MLLT10: variants seen among roughly 807,000 people sequenced by gnomAD.
MLLT10 encodes protein AF-10.
Under a neutral mutation model 129.1 loss-of-function variants are expected in MLLT10, and 30 were observed. The ratio of observed to expected loss-of-function variants is 0.23; its 90% CI spans 0.17 to 0.32. The LOEUF is 0.32. MLLT10 is among the 10% of genes least tolerant of loss of function. MLLT10 has a pLI of 1.00. For synonymous variants in MLLT10, 490 were observed against 446.4 expected, an observed-to-expected ratio of 1.10 and a Z score of -1.23; for missense variants, 1,119 against 1,268.3, an observed-to-expected ratio of 0.88 and a Z score of 1.79.
intron 8 of MLLT10, among the ~76,000 whole-genome samples, chr10:21,634,562 A>G (rs1035457630): frequency 4.6e-5 from 7 of 152,182 alleles, no homozygotes; most frequent in Admixed American, 6.5e-5. Flanking sequence ...CTGTTCCCCA[A>G]TAGTCTTTCA....
chr10:21,575,178 C>CTTATTTTATT (rs770106739), intron 3 of MLLT10, among the ~76,000 whole-genome samples: 31 of 151,708 alleles, frequency 2.0e-4, no homozygotes, highest in African/African-American at 2.7e-4. Flanking sequence ...TAGAACCCTA[C>CTTATTTTATT]TTATTTTATT....
chr10:21,733,666 A>G, intron 19 of MLLT10, 74 bp downstream of exon 19: 6 of 1,473,454 alleles, frequency 4.1e-6, no homozygotes, highest in Non-Finnish European at 3.6e-6. Flanking sequence ...GTTTAAAATT[A>G]TTTTAAACAG....
At chr10:21,634,188 C>T (rs555373159) in intron 8 of MLLT10, among the ~76,000 whole-genome samples, 60 of 151,810 alleles carry the variant, frequency 4.0e-4, no homozygotes, top group African/African-American at 1.4e-3. Context: ...TTCAGGGAGC[C>T]GAGATCACAC....
rs2033408243 is a variant in MLLT10, at chr10:21,534,424, A to G, written c.-97A>G. On this transcript the variant is annotated 5_prime_UTR_variant, in exon 1 of 23. Coordinates refer to ENST00000307729, the MANE Select transcript of MLLT10 (RefSeq NM_001195626.3). ...AGGGAAGACGCTGAGGAGGAGGAGG[A>G]GGCGGAGGAGGCGGTGGAGGGGAGG... 1.1e-5 allele frequency: 4 copies of G among 355,790 alleles called. No homozygotes were observed. The highest frequency in any genetic ancestry group is 2.1e-5 in the Non-Finnish European group (4 of 191,482). 22.0% of individuals were successfully genotyped at this position (355,790 alleles called of 1,614,324 possible). A position where few individuals can be genotyped will look rare whatever the true frequency, so the allele number is the denominator to read the frequency against.
chr10:21,717,708 T>C (rs2056783131), intron 14 of MLLT10, among the ~76,000 whole-genome samples: 1 of 80,838 alleles, frequency 1.2e-5, no homozygotes, highest in Admixed American at 1.2e-4. Context: ...CTCTTCCTCC[T>C]CCTCCTCTTC....
intron 3 of MLLT10, among the ~76,000 whole-genome samples, chr10:21,554,279 T>C (rs1397586991): frequency 6.6e-6 from 1 of 152,192 alleles, no homozygotes; most frequent in Non-Finnish European, 1.5e-5. Flanking sequence ...CTTTTTACTC[T>C]ATTTTCTGAG....
At chr10:21,597,490 G>A (rs1022680208) in intron 5 of MLLT10, among the ~76,000 whole-genome samples, 88 of 152,094 alleles carry the variant, frequency 5.8e-4, no homozygotes, top group Middle Eastern at 3.4e-3. Flanking sequence ...GTGCCTCAGC[G>A]TCCCGAGTAG....
intron 14 of MLLT10, among the ~76,000 whole-genome samples, chr10:21,719,144 G>A (rs2056960175): frequency 6.6e-6 from 1 of 152,224 alleles, no homozygotes; most frequent in Non-Finnish European, 1.5e-5. Flanking sequence ...GTGTGTTTAT[G>A]TAGGGGAAGT....
At position 21,545,129 on chromosome 10, in the gene MLLT10, G is replaced by A. The variant is rs2035869036; in HGVS notation, c.240+6217G>A. Among the ~76,000 whole-genome samples, 4 of 152,012 alleles carry A rather than the reference G, an allele frequency of 2.6e-5. No individual in the cohort carries two copies. The South Asian group carries it at 8.3e-4, about 32-fold the overall frequency. On this transcript the variant is annotated intron_variant, in intron 3 of 22. Coordinates refer to ENST00000307729, the MANE Select transcript of MLLT10 (RefSeq NM_001195626.3). Reference sequence around the variant, plus strand: ...TATTGCACTCCAGCCTGGACAACAAGAGTGAAGCTCCATCTCAGAAAAAAA... The same window carrying A: ...TATTGCACTCCAGCCTGGACAACAAAAGTGAAGCTCCATCTCAGAAAAAAA...
At chr10:21,578,957 T>A (rs2041084941) in intron 3 of MLLT10, among the ~76,000 whole-genome samples, 1 of 152,244 alleles carries the variant, frequency 6.6e-6, no homozygotes, top group Non-Finnish European at 1.5e-5. Flanking sequence ...ATTTACCATT[T>A]GTGGTAGTCT....
intron 14 of MLLT10, among the ~76,000 whole-genome samples, chr10:21,719,158 C>G (rs2056961338): frequency 6.6e-6 from 1 of 152,166 alleles, no homozygotes; most frequent in Non-Finnish European, 1.5e-5. Flanking sequence ...GGGAAGTTGT[C>G]TAAGATGTAG....
chr10:21,656,966 C>G (rs1051140700), intron 9 of MLLT10, among the ~76,000 whole-genome samples: 1 of 152,134 alleles, frequency 6.6e-6, no homozygotes, highest in African/African-American at 2.4e-5. Context: ...TTTAATATGA[C>G]AAAACAAGTA....
intron 8 of MLLT10, among the ~76,000 whole-genome samples, chr10:21,634,007 A>C (rs571858204): frequency 6.6e-6 from 1 of 152,100 alleles, no homozygotes; most frequent in Non-Finnish European, 1.5e-5. Context: ...TGGGAAGCCA[A>C]GGTGGGTGGA....
intron 8 of MLLT10, among the ~76,000 whole-genome samples, chr10:21,623,622 T>C (rs1213258600): frequency 1.3e-5 from 2 of 152,242 alleles, no homozygotes; most frequent in Non-Finnish European, 2.9e-5. Flanking sequence ...AAGTGATACA[T>C]AGAATGAACA....
rs1478036664 is a variant in MLLT10 at position 21,610,852 on chromosome 10, A to G, written c.406-1496A>G. Reference sequence around the variant, plus strand: ...CATGCTAAATTCTTCCATTGTAACTAGTACTTAGGAATACTTTTATTCAGT... The same window carrying G: ...CATGCTAAATTCTTCCATTGTAACTGGTACTTAGGAATACTTTTATTCAGT... On this transcript the variant is annotated intron_variant, in intron 5 of 22. Coordinates refer to ENST00000307729, the MANE Select transcript of MLLT10 (RefSeq NM_001195626.3). 7.9e-5 allele frequency among the ~76,000 whole-genome samples: 12 copies of G among 151,832 alleles called. 1 individual carries two copies. In the South Asian group the frequency reaches 2.5e-3, roughly 31 times the overall value.
At chr10:21,546,686 G>A (rs7902427) in intron 3 of MLLT10, among the ~76,000 whole-genome samples, 4,153 of 151,410 alleles carry the variant, frequency 0.027, 193 homozygotes, top group African/African-American at 0.094. Flanking sequence ...TCCTCCCTCA[G>A]CCTCCCGAGT....
At chr10:21,588,105 T>C (rs2042169872) in intron 4 of MLLT10, among the ~76,000 whole-genome samples, 1 of 152,176 alleles carries the variant, frequency 6.6e-6, no homozygotes, top group South Asian at 2.1e-4. Context: ...TTCGCTCATT[T>C]GCCCAGGCTG....
In MLLT10 at chr10:21,664,238, A is replaced by G. The variant is rs535783863; in HGVS notation, c.796-6211A>G. On this transcript the variant is annotated intron_variant, in intron 9 of 22. Transcript: ENST00000307729. The stretch of plus-strand genomic sequence containing the variant: ...GTTATCATTCCTTTTAAGTTTATTG[A>G]TACTTTTTTGATGCAGAACATGGAT... Among the ~76,000 whole-genome samples the G allele has an allele frequency of 2.3e-4, 34 of 148,862 alleles. No homozygotes were observed. In the East Asian group the frequency reaches 6.1e-3, roughly 27 times the overall value.
At position 21,739,029 on chromosome 10, in the gene MLLT10, C is replaced by T. The variant is rs577230763; in HGVS notation, c.2956-1001C>T. Among the ~76,000 whole-genome samples, 15 of 152,298 alleles carry T rather than the reference C, an allele frequency of 9.8e-5. No homozygotes were observed. The South Asian group carries it at 2.1e-3, about 21-fold the overall frequency. On this transcript the variant is annotated intron_variant, in intron 21 of 22. Coordinates refer to ENST00000307729, the MANE Select transcript of MLLT10 (RefSeq NM_001195626.3). ...ACATAACGTGTCCAGAACCGAACAGCTGATCTTCCTGCACAACCCCGCCCC... is the reference window on the plus strand; with the variant it reads ...ACATAACGTGTCCAGAACCGAACAGTTGATCTTCCTGCACAACCCCGCCCC...
Sources: gnomAD v4.1 joint callset for allele counts (sites outside exome capture counted in the v4.1 genomes callset) on GRCh38, gnomAD v4.1.1 for gene constraint, MANE v1.5 for transcripts, NCBI Gene and HGNC (gene_info 2026-07-23, HGNC 2026-07-21) for gene names.